Variants in TACO1 observed in about 807,000 individuals in gnomAD.
TACO1 encodes translational activator of cytochrome c oxidase I.
TACO1 carries 13 observed loss-of-function variants against 24.0 expected under a neutral mutation model. The ratio of observed to expected loss-of-function variants is 0.54; its 90% confidence interval spans 0.35 to 0.86. The LOEUF (loss-of-function observed/expected upper bound fraction) is 0.86, where lower values mean the gene tolerates loss of function less well. Ranked by LOEUF, TACO1 falls within the 40% of genes least tolerant of loss-of-function variation. The pLI, the probability that TACO1 is intolerant of heterozygous loss-of-function variation, is 0.01. For missense variants in TACO1, 352 were observed against 380.1 expected (o/e 0.93, Z 0.61); for synonymous variants, 149 against 153.5 (o/e 0.97, Z 0.22).
chr17:63,604,688 C>T, intron 2 of TACO1, 48 bp downstream of exon 2: 1 of 1,539,410 alleles, frequency 6.5e-7, no homozygotes, highest in South Asian at 1.1e-5. Context: ...CTCTACCGGG[C>T]TCATGTCTGG....
At chr17:63,604,136 G>A (rs551717788) in intron 1 of TACO1, among the ~76,000 whole-genome samples, 3 of 151,940 alleles carry the variant, frequency 2.0e-5, no homozygotes, top group South Asian at 2.1e-4. Context: ...TCAGGAGTTC[G>A]AGACCAGCCT....
rs140568326 is a variant in TACO1 at position 63,601,269 on chromosome 17, G to A, written c.186G>A (p.Lys62=). The A allele has an allele frequency of 1.2e-6, 2 of 1,612,182 alleles. No homozygotes were observed. Among genetic ancestry groups the A allele is most frequent in the African/African-American group, 1.3e-5 (1 of 74,952 alleles). ...FTAAVPAGHN[K]WSKVRHIKGP... is the part of the protein sequence containing the mutation. ...CGGCTGTCCCCGCCGGGCACAACAA[G>A]TGGTCCAAAGTCAGGCACATCAAGG... Residue 62 remains lysine (K), a synonymous_variant, in exon 1 of 5, where the codon AAG becomes AAA. Coordinates refer to ENST00000258975, the MANE Select transcript of TACO1 (RefSeq NM_016360.4).
intron 3 of TACO1, 68 bp from the exon 4 acceptor site, chr17:63,607,219 G>A: frequency 7.2e-7 from 1 of 1,395,832 alleles, no homozygotes; most frequent in Non-Finnish European, 1.0e-6. Flanking sequence ...GTGATAGAAT[G>A]ATGAGCTTTA....
chr17:63,605,810 A>T (rs1372613223), intron 2 of TACO1, among the ~76,000 whole-genome samples: 1 of 152,196 alleles, frequency 6.6e-6, no homozygotes, highest in Non-Finnish European at 1.5e-5. Context: ...AGGGATGAGT[A>T]GGGGCATGGA....
In TACO1 at chr17:63,607,954, T is replaced by C. The variant is rs1259982697; in HGVS notation, c.846T>C (p.Ala282=). ...AACAGGCCGCACATCTCATTCAGGC[T>C]CTCAGCAACCACGAGGATGTGATTC... The part of the protein sequence containing the change: ...DLEQAAHLIQ[A]LSNHEDVIHV... The change falls in exon 5 of 5, where the codon GCT becomes GCC. Residue 282 remains alanine (A), a synonymous_variant. Transcript: ENST00000258975. 1 of 1,614,214 alleles carries C rather than the reference T, an allele frequency of 6.2e-7. No homozygotes were observed.
At position 63,607,982 on chromosome 17, in the gene TACO1, G is replaced by A. The variant is rs150322947; in HGVS notation, c.874G>A (p.Val292Ile). Residue 292 changes from valine (V) to isoleucine (I), a missense_variant, in exon 5 of 5, where the codon GTC becomes ATC. By Grantham distance (29) the Val-to-Ile change is conservative. Coordinates refer to ENST00000258975, the MANE Select transcript of TACO1 (RefSeq NM_016360.4). ...ALSNHEDVIHVYDNIE is the reference protein window; with the variant it reads ...ALSNHEDVIHIYDNIE ...CAGCAACCACGAGGATGTGATTCAC[G>A]TCTATGATAACATTGAATAACCAGG... 33 of 1,614,170 alleles carry A rather than the reference G, an allele frequency of 2.0e-5. No individual in the cohort carries two copies. Among genetic ancestry groups the A allele is most frequent in the Non-Finnish European group, 2.5e-5 (30 of 1,180,038 alleles).
At position 63,606,359 on chromosome 17, in the gene TACO1, G is replaced by C. The variant is rs1308318512; in HGVS notation, c.434G>C (p.Gly145Ala). 1 of 1,613,948 alleles carries C rather than the reference G, an allele frequency of 6.2e-7. No homozygotes were observed. Among genetic ancestry groups the C allele is most frequent in the Non-Finnish European group, 8.5e-7 (1 of 1,179,982 alleles). ...YLLYEGRGPG[G>A]SSLLIEALSN... ...CTGTATGAGGGTCGAGGCCCTGGTG[G>C]CTCTTCTCTGCTCATCGAGGCATTA... Residue 145 changes from glycine to alanine, a missense_variant, in exon 3 of 5, where the codon GGC becomes GCC. Coordinates refer to ENST00000258975, the MANE Select transcript of TACO1 (RefSeq NM_016360.4).
At chr17:63,601,776 ATTAC>A (rs1568111066) in intron 1 of TACO1, among the ~76,000 whole-genome samples, 1 of 152,100 alleles carries the variant, frequency 6.6e-6, no homozygotes, top group Non-Finnish European at 1.5e-5. Context: ...GAGTAAAGCT[ATTAC>A]TTAAGTGCTT....
rs1157562513 is a variant in TACO1 at position 63,601,113 on chromosome 17, C to T, written c.30C>T (p.Ser10=). 1 of 1,542,412 alleles carries T rather than the reference C, an allele frequency of 6.5e-7. No individual in the cohort carries two copies. The highest frequency in any genetic ancestry group is 1.2e-5 in the South Asian group (1 of 83,926). ...CGGCTTGGGCTGCTGCCAGCCTAAG[C>T]AGGGCCGCTGCCCGATGCTTGCTGG... MSAWAAASL[S]RAAARCLLAR... The change falls in exon 1 of 5, where the codon AGC becomes AGT. Residue 10 remains serine, a synonymous_variant. Coordinates refer to ENST00000258975, the MANE Select transcript of TACO1 (RefSeq NM_016360.4).
At chr17:63,602,583 G>A (rs993416487) in intron 1 of TACO1, among the ~76,000 whole-genome samples, 1 of 151,926 alleles carries the variant, frequency 6.6e-6, no homozygotes, top group East Asian at 1.9e-4. Context: ...GTAGAGTGCA[G>A]TGGCGTGATC....
Position 63,608,261 on chromosome 17 carries a change from A to AGACTCTGATGTTGGGTAGCTGGCCT in TACO1, c.*260_*284dup, listed in dbSNP as rs1283806359. On this transcript the variant is annotated 3_prime_UTR_variant, in exon 5 of 5. Coordinates refer to ENST00000258975, the MANE Select transcript of TACO1 (RefSeq NM_016360.4). ...GCAGGGCAGGACCACCCAGCTGGTC[A>AGACTCTGATGTTGGGTAGCTGGCCT]GACTCTGATGTTGGGTAGCTGGCCT... 10 of 535,036 alleles carry AGACTCTGATGTTGGGTAGCTGGCCT rather than the reference A, an allele frequency of 1.9e-5. No individual in the cohort carries two copies. Among genetic ancestry groups the AGACTCTGATGTTGGGTAGCTGGCCT allele is most frequent in the Non-Finnish European group, 3.4e-5 (10 of 295,560 alleles). 33.1% of individuals were successfully genotyped at this position (535,036 alleles called of 1,614,324 possible).
At position 63,606,325 on chromosome 17, in the gene TACO1, A is replaced by G. The variant is rs745995568; in HGVS notation, c.400A>G (p.Thr134Ala). 22 of 1,613,446 alleles carry G rather than the reference A, an allele frequency of 1.4e-5. No homozygotes were observed. Among genetic ancestry groups the G allele is most frequent in the East Asian group, 8.9e-5 (4 of 44,900 alleles). ...TTGTTTATTGCAGAAATCCAAGGAC[A>G]CTTATTTGCTGTATGAGGGTCGAGG... The part of the protein sequence containing the change: ...TALKMEKSKD[T>A]YLLYEGRGPG... The change falls in exon 3 of 5, where the codon ACT (threonine) becomes GCT (alanine). Residue 134 changes from threonine (T) to alanine (A), a missense_variant. Thr to Ala is a moderately conservative substitution (Grantham distance 58). Transcript: ENST00000258975.
chr17:63,601,468 CT>C, intron 1 of TACO1, 105 bp downstream of exon 1: 2 of 1,272,920 alleles, frequency 1.6e-6, no homozygotes, highest in Non-Finnish European at 2.2e-6. Context: ...CGGCCCTTCA[CT>C]TTGTTTTCCT....
intron 3 of TACO1, chr17:63,606,837 A>G (rs2033865937): frequency 5.6e-6 from 2 of 358,680 alleles, no homozygotes; most frequent in Non-Finnish European, 1.1e-5. Context: ...ATGCCTGGCC[A>G]TGTTTCAGGT....
chr17:63,605,041 G>C (rs1208108702), intron 2 of TACO1, among the ~76,000 whole-genome samples: 1 of 151,774 alleles, frequency 6.6e-6, no homozygotes, highest in African/African-American at 2.4e-5. Context: ...TTATCAGAGA[G>C]AACGGTAGCA....
At chr17:63,604,127 C>G (rs951576908) in intron 1 of TACO1, among the ~76,000 whole-genome samples, 2 of 152,132 alleles carry the variant, frequency 1.3e-5, no homozygotes, top group South Asian at 4.1e-4. Flanking sequence ...CACCTGAGGT[C>G]AGGAGTTCGA....
chr17:63,608,162 C>CT lies in TACO1; in HGVS notation c.*162dup. 1 of 752,650 alleles carries CT rather than the reference C, an allele frequency of 1.3e-6. No individual in the cohort carries two copies. Among genetic ancestry groups the CT allele is most frequent in the South Asian group, 1.5e-5 (1 of 65,452 alleles). The allele number at this position is 752,650 out of a possible 1,614,324, so 46.6% of individuals were successfully genotyped here. On this transcript the variant is annotated 3_prime_UTR_variant, in exon 5 of 5. Coordinates refer to ENST00000258975, the MANE Select transcript of TACO1 (RefSeq NM_016360.4). ...CGACCTTGAAGCCAAAGGAATCTCA[C>CT]TTGTGGGGCCTCCTTGTCAGCTCTG...
rs751802775 is a variant in TACO1 at position 63,601,388 on chromosome 17, A to T, written c.280+25A>T. The T allele has an allele frequency of 1.9e-5, 31 of 1,608,990 alleles. No homozygotes were observed. In the Admixed American group the frequency reaches 4.8e-4, roughly 25 times the overall value. ...GGTGAGACCCTGACGGTCACCCAGC[A>T]CTGGCTGCCGCTGCCCTCTCAGTGC... On this transcript the variant is annotated intron_variant, in intron 1 of 4. Transcript: ENST00000258975.
intron 2 of TACO1, among the ~76,000 whole-genome samples, chr17:63,605,784 A>G (rs2033857850): frequency 6.6e-6 from 1 of 152,168 alleles, no homozygotes; most frequent in South Asian, 2.1e-4. Flanking sequence ...AGTGGGGAAT[A>G]TTGAATACAT....
Sources: allele counts gnomAD v4.1 joint callset (sites outside exome capture counted in the v4.1 genomes callset), GRCh38; gene constraint gnomAD v4.1.1; transcripts MANE v1.5; gene names NCBI Gene and HGNC (gene_info 2026-07-23, HGNC 2026-07-21).